CTIF: variants seen among roughly 807,000 people sequenced by gnomAD.
The protein encoded by CTIF is cap binding complex dependent translation initiation factor.
CTIF carries 21 observed loss-of-function variants against 66.0 expected under a neutral mutation model. The observed-to-expected ratio is 0.32, with a 90% CI of 0.23 to 0.46. The LOEUF (loss-of-function observed/expected upper bound fraction) is 0.46. Among genes scored for constraint, CTIF ranks in the 20% least tolerant of loss-of-function variants. The pLI is 1.00. For synonymous variants in CTIF, 345 were observed against 326.4 expected (o/e 1.06, Z -0.62); for missense variants, 739 against 812.7 (o/e 0.91, Z 1.10).
intron 9 of CTIF, among the ~76,000 whole-genome samples, chr18:48,780,081 G>A (rs1911065186): frequency 6.6e-6 from 1 of 152,186 alleles, no homozygotes; most frequent in Admixed American, 6.5e-5. Flanking sequence ...TGTCTAGGCT[G>A]GAGGAAGGGT....
Position 48,761,235 on chromosome 18 carries a change from C to A in CTIF, c.1072-155C>A. 1.5e-6 allele frequency: 1 copy of A among 670,512 alleles called. No individual in the cohort carries two copies. 41.5% of individuals were successfully genotyped at this position (670,512 alleles called of 1,614,324 possible). ...AAGGAGCTTTTGGCGCATGAGGGGT[C>A]TTTGGTGGAGGTTCCCAGAGGGACC... is the stretch of plus-strand genomic sequence containing the variant. On this transcript the variant is annotated intron_variant, in intron 8 of 11. Coordinates refer to ENST00000256413, the MANE Select transcript of CTIF (RefSeq NM_014772.3). This position sits in a 1 kb window ranked among gnomAD's most constrained non-coding sequence, Gnocchi z 4.2.
chr18:48,711,564 C>T, intron 6 of CTIF, 55 bp from the exon 7 acceptor site: 1 of 1,418,680 alleles, frequency 7.0e-7, no homozygotes, highest in Non-Finnish European at 1.0e-6. Flanking sequence ...CCCAGAGGTG[C>T]TTTGCTCTCT....
intron 9 of CTIF, among the ~76,000 whole-genome samples, chr18:48,777,532 G>A (rs553129922): frequency 6.6e-6 from 1 of 152,214 alleles, no homozygotes; most frequent in South Asian, 2.1e-4. Flanking sequence ...AGACAACCAG[G>A]GCTCTTGGAG....
intron 7 of CTIF, among the ~76,000 whole-genome samples, chr18:48,736,193 C>T (rs1272947047): frequency 1.3e-5 from 2 of 152,154 alleles, no homozygotes; most frequent in Non-Finnish European, 2.9e-5. Context: ...TCCCACATTC[C>T]GTCCCGCATA....
intron 1 of CTIF, among the ~76,000 whole-genome samples, chr18:48,603,204 GGACA>G: frequency 6.7e-6 from 1 of 150,340 alleles, no homozygotes; most frequent in East Asian, 2.0e-4. Flanking sequence ...GTGGGTGGAT[GGACA>G]GATGGATGAA....
intron 6 of CTIF, among the ~76,000 whole-genome samples, chr18:48,695,144 TGAG>T (rs2091987091): frequency 6.6e-6 from 1 of 151,694 alleles, no homozygotes; most frequent in South Asian, 2.1e-4. Flanking sequence ...AGGGAAGAAG[TGAG>T]GTGCTCTGGC....
intron 7 of CTIF, among the ~76,000 whole-genome samples, chr18:48,734,490 C>A (rs8099438): frequency 6.6e-6 from 1 of 152,164 alleles, no homozygotes; most frequent in Admixed American, 6.5e-5. Context: ...CGCTAGAACG[C>A]GGGAGGCAGA....
intron 10 of CTIF, among the ~76,000 whole-genome samples, chr18:48,828,540 G>A (rs1048639642): frequency 8.5e-5 from 13 of 152,190 alleles, no homozygotes; most frequent in Non-Finnish European, 1.6e-4. Context: ...TAATTAGGGA[G>A]AGAGAATGAT....
intron 1 of CTIF, among the ~76,000 whole-genome samples, chr18:48,599,196 C>T (rs1473854689): frequency 1.3e-5 from 2 of 152,046 alleles, no homozygotes; most frequent in Admixed American, 6.6e-5. Flanking sequence ...AGGGTGTGGC[C>T]GGGGCCTCAC....
intron 5 of CTIF, among the ~76,000 whole-genome samples, chr18:48,668,599 C>T (rs924909737): frequency 3.3e-5 from 5 of 152,012 alleles, no homozygotes; most frequent in African/African-American, 4.8e-5. Context: ...TCCACCATGC[C>T]CCTTGCCTAC....
chr18:48,611,059 G>A (rs777155261), intron 1 of CTIF, among the ~76,000 whole-genome samples: 11 of 152,260 alleles, frequency 7.2e-5, no homozygotes, highest in Non-Finnish European at 1.3e-4. Flanking sequence ...GGATGTAAAG[G>A]CTTGGATCCT....
intron 10 of CTIF, among the ~76,000 whole-genome samples, chr18:48,828,357 T>TGTGCTCAC (rs2068624573): frequency 6.6e-6 from 1 of 152,180 alleles, no homozygotes; most frequent in Non-Finnish European, 1.5e-5. Context: ...TCAGAATGCA[T>TGTGCTCAC]GTGCTCACGG....
intron 1 of CTIF, among the ~76,000 whole-genome samples, chr18:48,547,815 G>A (rs1281932843): frequency 2.6e-5 from 4 of 152,206 alleles, no homozygotes; most frequent in Non-Finnish European, 4.4e-5. Context: ...TAGCTGAGCC[G>A]GCTGCATAGG....
chr18:48,796,083 C>T (rs1010594599), intron 9 of CTIF, among the ~76,000 whole-genome samples: 4 of 152,204 alleles, frequency 2.6e-5, no homozygotes, highest in Non-Finnish European at 4.4e-5. Flanking sequence ...GCAACCTCCA[C>T]TTCCCGGGTT....
chr18:48,543,408 G>A (rs896888724), intron 1 of CTIF, among the ~76,000 whole-genome samples: 6 of 152,124 alleles, frequency 3.9e-5, no homozygotes, highest in South Asian at 2.1e-4. Context: ...CTGACTCACC[G>A]GCACCCTGAG....
intron 7 of CTIF, among the ~76,000 whole-genome samples, chr18:48,739,161 T>C (rs1237372613): frequency 6.6e-6 from 1 of 152,186 alleles, no homozygotes; most frequent in African/African-American, 2.4e-5. Context: ...GTGGGAGTCA[T>C]TACTCTTCAT....
chr18:48,854,803 G>A (rs1420187946), intron 10 of CTIF, among the ~76,000 whole-genome samples: 1 of 152,104 alleles, frequency 6.6e-6, no homozygotes, highest in African/African-American at 2.4e-5. Flanking sequence ...TGCACCTGTG[G>A]TCCCATCTAC....
chr18:48,664,059 C>T (rs1253757949), intron 4 of CTIF, among the ~76,000 whole-genome samples: 2 of 152,134 alleles, frequency 1.3e-5, no homozygotes, highest in Non-Finnish European at 1.5e-5. Flanking sequence ...GGCTGGGCCC[C>T]GCTTCCCACT....
chr18:48,675,180 G>T (rs1379849940), intron 6 of CTIF, among the ~76,000 whole-genome samples: 1 of 152,186 alleles, frequency 6.6e-6, no homozygotes, highest in Non-Finnish European at 1.5e-5. Flanking sequence ...ACACACTTGG[G>T]CTCAGACTGC....
Sources: gnomAD v4.1 joint callset for allele counts (sites outside exome capture counted in the v4.1 genomes callset) on GRCh38, gnomAD v4.1.1 for gene constraint, Gnocchi (gnomAD v3.1) non-coding constraint, MANE v1.5 for transcripts, NCBI Gene and HGNC (gene_info 2026-07-23, HGNC 2026-07-21) for gene names.